NCOA1: variants seen among roughly 807,000 people sequenced by gnomAD.
NCOA1 encodes the protein nuclear receptor coactivator 1.
NCOA1 carries 35 observed loss-of-function variants against 150.9 expected under a neutral mutation model. The observed-to-expected ratio is 0.23, with a 90% CI of 0.18 to 0.31. The LOEUF (loss-of-function observed/expected upper bound fraction) is 0.31, where lower values mean the gene tolerates loss of function less well. Among genes scored for constraint, NCOA1 ranks in the 10% least tolerant of loss-of-function variants. NCOA1 has a pLI of 1.00. For missense variants in NCOA1, 1,491 were observed against 1,749.3 expected (o/e 0.85, Z 2.63); for synonymous variants, 590 against 630.0 (o/e 0.94, Z 0.95).
intron 1 of NCOA1, among the ~76,000 whole-genome samples, chr2:24,516,944 G>GTA (rs1306394457): frequency 1.7e-5 from 2 of 115,620 alleles, no homozygotes; most frequent in African/African-American, 6.9e-5. Flanking sequence ...ATATATATAC[G>GTA]TATATATACA....
chr2:24,723,641 A>G (rs893778127), intron 14 of NCOA1, among the ~76,000 whole-genome samples: 2 of 152,068 alleles, frequency 1.3e-5, no homozygotes, highest in South Asian at 2.1e-4. Flanking sequence ...ATTTTAATCT[A>G]TATTTCTTTT....
At chr2:24,730,300 A>G (rs1429034245) in intron 17 of NCOA1, among the ~76,000 whole-genome samples, 10 of 152,218 alleles carry the variant, frequency 6.6e-5, no homozygotes, top group African/African-American at 1.7e-4. Flanking sequence ...TTTTCATTCA[A>G]TTAAAGACCT....
intron 1 of NCOA1, among the ~76,000 whole-genome samples, chr2:24,494,835 G>A (rs1663131695): frequency 6.6e-6 from 1 of 152,152 alleles, no homozygotes; most frequent in South Asian, 2.1e-4. Context: ...AGACTAGACT[G>A]TAGGAAAGGA....
chr2:24,677,336 C>G (rs1022618890), intron 7 of NCOA1, among the ~76,000 whole-genome samples: 9 of 152,026 alleles, frequency 5.9e-5, no homozygotes, highest in Non-Finnish European at 8.8e-5. Context: ...AGAGCAAGAC[C>G]CTGTCTCAAA....
chr2:24,498,927 A>G (rs906796808), intron 1 of NCOA1, among the ~76,000 whole-genome samples: 11 of 152,150 alleles, frequency 7.2e-5, no homozygotes, highest in African/African-American at 2.7e-4. Context: ...ATTTTTATGT[A>G]TATTTAAACA....
chr2:24,690,602 A>C (rs1322677725), intron 8 of NCOA1, among the ~76,000 whole-genome samples: 1 of 143,650 alleles, frequency 7.0e-6, no homozygotes, highest in East Asian at 2.1e-4. Flanking sequence ...TGGTGAGCCG[A>C]GATCACACCA....
At chr2:24,548,680 G>A (rs1317333653) in intron 1 of NCOA1, among the ~76,000 whole-genome samples, 1 of 152,152 alleles carries the variant, frequency 6.6e-6, no homozygotes, top group Non-Finnish European at 1.5e-5. Context: ...GGAGAAATTG[G>A]CCAAAACAAA....
At chr2:24,522,646 G>A (rs1200129711) in intron 1 of NCOA1, among the ~76,000 whole-genome samples, 1 of 152,180 alleles carries the variant, frequency 6.6e-6, no homozygotes, top group African/African-American at 2.4e-5. Context: ...AACTGAGTAA[G>A]AGAATGCAGT....
At chr2:24,502,734 T>C (rs1418753964) in intron 1 of NCOA1, among the ~76,000 whole-genome samples, 2 of 152,200 alleles carry the variant, frequency 1.3e-5, no homozygotes, top group African/African-American at 4.8e-5. Flanking sequence ...TACCTCTTTA[T>C]ATGTTATTTT....
chr2:24,561,619 T>C (rs547332451), intron 1 of NCOA1, among the ~76,000 whole-genome samples: 1 of 152,262 alleles, frequency 6.6e-6, no homozygotes, highest in Non-Finnish European at 1.5e-5. Flanking sequence ...GAAGCAGTAG[T>C]AGTATGGATG....
intron 6 of NCOA1, among the ~76,000 whole-genome samples, chr2:24,671,686 G>T (rs1303971754): frequency 1.3e-5 from 2 of 151,986 alleles, no homozygotes; most frequent in African/African-American, 4.8e-5. Context: ...TCAGCCTCCT[G>T]AGTAGCTGAG....
intron 3 of NCOA1, among the ~76,000 whole-genome samples, chr2:24,617,912 TA>T (rs1326366612): frequency 6.6e-6 from 1 of 152,100 alleles, no homozygotes; most frequent in African/African-American, 2.4e-5. Context: ...TTACAGACAG[TA>T]AAATCTCTGT....
chr2:24,535,882 A>G (rs1286277178), intron 1 of NCOA1, among the ~76,000 whole-genome samples: 1 of 152,076 alleles, frequency 6.6e-6, no homozygotes, highest in Non-Finnish European at 1.5e-5. Context: ...TGCCCTTAAC[A>G]CTTTTTCCTT....
At chr2:24,531,237 G>T (rs978479979) in intron 1 of NCOA1, among the ~76,000 whole-genome samples, 3 of 151,980 alleles carry the variant, frequency 2.0e-5, no homozygotes, top group African/African-American at 7.3e-5. Context: ...CCCCCTTATG[G>T]TTATATGTGC....
chr2:24,743,582 A>G (rs1381504674), intron 19 of NCOA1, among the ~76,000 whole-genome samples: 1 of 152,246 alleles, frequency 6.6e-6, no homozygotes, highest in African/African-American at 2.4e-5. Flanking sequence ...GAACAAGAGT[A>G]TGGCCTTCAA....
chr2:24,642,595 A>T (rs1205760663), intron 3 of NCOA1, among the ~76,000 whole-genome samples: 2 of 152,202 alleles, frequency 1.3e-5, no homozygotes, highest in Non-Finnish European at 2.9e-5. Context: ...GCTGGTAAAC[A>T]TACACTTAAC....
chr2:24,710,504 T>A (rs1349186077), intron 13 of NCOA1, among the ~76,000 whole-genome samples: 2 of 152,214 alleles, frequency 1.3e-5, no homozygotes, highest in African/African-American at 4.8e-5. Flanking sequence ...CAAACTTTTT[T>A]AAATTATAAA....
intron 7 of NCOA1, among the ~76,000 whole-genome samples, chr2:24,680,915 AGT>A (rs1222077757): frequency 6.6e-6 from 1 of 152,204 alleles, no homozygotes; most frequent in Admixed American, 6.5e-5. Context: ...CAAATGGAAA[AGT>A]ATATCATTGG....
chr2:24,578,746 AG>A (rs1182211875), intron 2 of NCOA1, among the ~76,000 whole-genome samples: 2 of 152,150 alleles, frequency 1.3e-5, no homozygotes, highest in Non-Finnish European at 2.9e-5. Flanking sequence ...AACATATCTA[AG>A]GGCATGGATT....
Sources: gnomAD v4.1 joint callset for allele counts (sites outside exome capture counted in the v4.1 genomes callset) on GRCh38, gnomAD v4.1.1 for gene constraint, MANE v1.5 for transcripts, NCBI Gene and HGNC (gene_info 2026-07-23, HGNC 2026-07-21) for gene names.